NRG3: variants seen among roughly 807,000 people sequenced by gnomAD.
The protein encoded by NRG3 is pro-neuregulin-3, membrane-bound isoform.
A neutral mutation model predicts 66.9 loss-of-function variants in NRG3; 31 were observed. The ratio of observed to expected loss-of-function variants is 0.46; its 90% confidence interval spans 0.35 to 0.63. The LOEUF (loss-of-function observed/expected upper bound fraction) is 0.63, where lower values mean the gene tolerates loss of function less well. NRG3 is among the 20% of genes least tolerant of loss of function. The probability of loss-of-function intolerance (pLI) is 0.00; values close to 1 mark genes in which losing one functional copy is unlikely to be tolerated. For synonymous variants in NRG3, 393 were observed against 359.4 expected (o/e 1.09, Z -1.06); for missense variants, 910 against 878.9 (o/e 1.04, Z -0.45).
chr10:82,798,695 A>T (rs1222873559), intron 3 of NRG3, among the ~76,000 whole-genome samples: 1 of 152,242 alleles, frequency 6.6e-6, no homozygotes, highest in East Asian at 1.9e-4. Context: ...GATTCCTTAG[A>T]AACTAGAAGC....
intron 4 of NRG3, among the ~76,000 whole-genome samples, chr10:82,925,574 C>G (rs1253751593): frequency 2.0e-5 from 3 of 152,230 alleles, no homozygotes; most frequent in Non-Finnish European, 4.4e-5. Flanking sequence ...GACAAGCATG[C>G]TTTAATGCTA....
intron 1 of NRG3, chr10:82,166,645 C>T (rs1000815324): frequency 2.6e-5 from 10 of 379,810 alleles, no homozygotes; most frequent in Non-Finnish European, 3.7e-5. Flanking sequence ...TATATATACA[C>T]ACATATATAT....
chr10:82,429,694 T>A (rs2136309832), intron 2 of NRG3, among the ~76,000 whole-genome samples: 1 of 152,280 alleles, frequency 6.6e-6, no homozygotes, highest in Middle Eastern at 3.4e-3. Flanking sequence ...TTGAAATTCT[T>A]TAAATATTTT....
chr10:82,467,841 T>C (rs1248497143), intron 2 of NRG3, among the ~76,000 whole-genome samples: 1 of 152,194 alleles, frequency 6.6e-6, no homozygotes, highest in Admixed American at 6.5e-5. Flanking sequence ...GGATATATCA[T>C]ATTAAATTTA....
At chr10:81,969,110 G>A (rs1177673612) in intron 1 of NRG3, among the ~76,000 whole-genome samples, 1 of 152,074 alleles carries the variant, frequency 6.6e-6, no homozygotes, top group Middle Eastern at 3.2e-3. Flanking sequence ...AGATTATGAG[G>A]GGTAAGAGAA....
intron 1 of NRG3, among the ~76,000 whole-genome samples, chr10:82,130,015 G>A (rs2068708924): frequency 6.6e-6 from 1 of 151,264 alleles, no homozygotes; most frequent in African/African-American, 2.4e-5. Context: ...ACCCTTCCAA[G>A]CCTCTAGTAA....
At chr10:82,557,862 G>A (rs879331542) in intron 2 of NRG3, among the ~76,000 whole-genome samples, 8 of 152,142 alleles carry the variant, frequency 5.3e-5, no homozygotes, top group African/African-American at 1.9e-4. Flanking sequence ...AGGTCAAAAG[G>A]CTGGGAAGTG....
At chr10:82,454,574 T>C (rs1232657589) in intron 2 of NRG3, among the ~76,000 whole-genome samples, 1 of 152,210 alleles carries the variant, frequency 6.6e-6, no homozygotes, top group Non-Finnish European at 1.5e-5. Context: ...AGAAGATCAA[T>C]TACTTCATAT....
chr10:82,944,201 A>G (rs970751254), intron 4 of NRG3, among the ~76,000 whole-genome samples: 3 of 152,072 alleles, frequency 2.0e-5, no homozygotes, highest in Admixed American at 6.5e-5. Flanking sequence ...TTATTTTTGC[A>G]TGTCCCCAGG....
intron 1 of NRG3, among the ~76,000 whole-genome samples, chr10:81,892,545 G>A (rs1406763826): frequency 6.6e-6 from 1 of 151,980 alleles, no homozygotes; most frequent in Non-Finnish European, 1.5e-5. Flanking sequence ...TCAACGAAAG[G>A]CAATATTTCC....
Position 82,434,254 on chromosome 10 carries a change from A to G in NRG3, c.953+75386A>G, listed in dbSNP as rs111896100. ...TCATGATTTGGCTTTCTGCTTGCCT[A>G]TTGTTGGGGTAGAGGAATGCTTGTG... On this transcript the variant is annotated intron_variant, in intron 2 of 8. Transcript: ENST00000372141. Among the ~76,000 whole-genome samples the G allele has an allele frequency of 5.5e-3, 839 of 151,744 alleles. 8 individuals carry two copies. The highest frequency in any genetic ancestry group is 0.02 in the African/African-American group (816 of 41,396).
At chr10:82,435,071 T>G (rs2090050520) in intron 2 of NRG3, among the ~76,000 whole-genome samples, 1 of 152,178 alleles carries the variant, frequency 6.6e-6, no homozygotes, top group Non-Finnish European at 1.5e-5. Context: ...ATCTGTCTGG[T>G]CCTAGGCTTT....
chr10:82,031,965 T>C (rs967445773), intron 1 of NRG3, among the ~76,000 whole-genome samples: 49 of 152,144 alleles, frequency 3.2e-4, no homozygotes, highest in African/African-American at 1.0e-3. Context: ...CACACCACCT[T>C]CATGTGGGCT....
intron 1 of NRG3, among the ~76,000 whole-genome samples, chr10:82,235,604 T>C (rs1204448916): frequency 6.6e-6 from 1 of 152,218 alleles, no homozygotes; most frequent in African/African-American, 2.4e-5. Context: ...ACCCTAGCAC[T>C]TTATCTCTCA....
intron 1 of NRG3, among the ~76,000 whole-genome samples, chr10:82,288,970 C>T (rs902270926): frequency 1.3e-5 from 2 of 152,132 alleles, no homozygotes; most frequent in Non-Finnish European, 2.9e-5. Context: ...CCTCTTCCCA[C>T]CTTGGACAAT....
At chr10:82,221,549 G>A (rs981413912) in intron 1 of NRG3, among the ~76,000 whole-genome samples, 4 of 152,070 alleles carry the variant, frequency 2.6e-5, no homozygotes, top group Admixed American at 2.6e-4. Context: ...GAAATTGAGA[G>A]ATGATTCCAC....
At chr10:82,732,572 A>G (rs2057966041) in intron 2 of NRG3, among the ~76,000 whole-genome samples, 1 of 152,198 alleles carries the variant, frequency 6.6e-6, no homozygotes, top group South Asian at 2.1e-4. Context: ...ACCTTTCTCA[A>G]TCTCTGTTTC....
At chr10:82,911,298 T>A (rs1050961232) in intron 4 of NRG3, among the ~76,000 whole-genome samples, 2 of 152,100 alleles carry the variant, frequency 1.3e-5, no homozygotes, top group South Asian at 2.1e-4. Context: ...ATTTTTAATT[T>A]AAAAAAATCT....
rs149623279 is a variant in NRG3, at chr10:82,465,650, T to A, written c.953+106782T>A. 5.7e-3 allele frequency among the ~76,000 whole-genome samples: 865 copies of A among 152,110 alleles called. 9 individuals carry two copies. Among genetic ancestry groups the A allele is most frequent in the African/African-American group, 0.017 (686 of 41,512 alleles). ...AAATGAATCAGGATCAAAGGGGAGC[T>A]TGAGGCCAGGGCCCAGAACCTGGGC... On this transcript the variant is annotated intron_variant, in intron 2 of 8. Transcript: ENST00000372141.
Sources: allele counts gnomAD v4.1 joint callset (sites outside exome capture counted in the v4.1 genomes callset), GRCh38; gene constraint gnomAD v4.1.1; transcripts MANE v1.5; gene names NCBI Gene and HGNC (gene_info 2026-07-23, HGNC 2026-07-21).